The following COL4A1 variants were observed in gnomAD, a reference collection of about 807,000 sequenced individuals.
The protein encoded by COL4A1 is collagen type IV alpha 1 chain.
COL4A1 carries 40 observed loss-of-function variants against 216.6 expected under a neutral mutation model. The observed-to-expected ratio is 0.18, with a 90% CI of 0.14 to 0.24. The LOEUF (loss-of-function observed/expected upper bound fraction) is 0.24, where lower values mean the gene tolerates loss of function less well. Among genes scored for constraint, COL4A1 ranks in the 10% least tolerant of loss-of-function variants. The probability of loss-of-function intolerance (pLI) is 1.00; values close to 1 mark genes in which losing one functional copy is unlikely to be tolerated. For synonymous variants in COL4A1, 839 were observed against 810.7 expected (o/e 1.03, Z -0.59); for missense variants, 1,628 against 2,196.8 (o/e 0.74, Z 5.18).
chr13:110,168,060 T>A (rs906192578), intron 43 of COL4A1, among the ~76,000 whole-genome samples: 3 of 151,952 alleles, frequency 2.0e-5, no homozygotes, highest in Admixed American at 2.0e-4. Flanking sequence ...CGCTCTGTCA[T>A]CCAGGCTGGA....
In COL4A1 at chr13:110,181,313, G is replaced by C. The variant is rs1314200422; in HGVS notation, c.2172C>G (p.Asn724Lys). ...TCACCTTCTGGCCCTGCACACCTGGGTTCCCAGGTAAGCCATTAAATCCCG... is the reference window on the plus strand; with the variant it reads ...TCACCTTCTGGCCCTGCACACCTGGCTTCCCAGGTAAGCCATTAAATCCCG... ...GRPGFNGLPG[N>K]PGVQGQKGEP... The change falls in exon 29 of 52, where the codon AAC becomes AAG. Residue 724 changes from asparagine to lysine, a missense_variant. Physicochemically the swap from Asn to Lys is moderately conservative, Grantham distance 94 (BLOSUM62 0). Around this residue, in one of 8 missense-constraint regions of COL4A1, gnomAD observed 701 missense variants for 892.5 expected, o/e 0.79. Coordinates refer to ENST00000375820, the MANE Select transcript of COL4A1 (RefSeq NM_001845.6). 3 of 1,613,754 alleles carry C rather than the reference G, an allele frequency of 1.9e-6. No homozygotes were observed. In the Admixed American group the frequency reaches 5.0e-5, roughly 27 times the overall value.
In COL4A1 at chr13:110,222,771, T is replaced by TAAAAAAAAAAAAAAA. The variant is rs751501177; in HGVS notation, c.145-8757_145-8756insTTTTTTTTTTTTTTT. Among the ~76,000 whole-genome samples the TAAAAAAAAAAAAAAA allele has an allele frequency of 5.6e-4, 52 of 93,404 alleles. 4 individuals carry two copies. Among genetic ancestry groups the TAAAAAAAAAAAAAAA allele is most frequent in the East Asian group, 1.4e-3 (4 of 2,940 alleles). The allele number at this position is 93,404 out of a possible 152,430, so 61.3% of individuals were successfully genotyped here. On this transcript the variant is annotated intron_variant, in intron 2 of 51. Transcript: ENST00000375820. ...CTGGGCGACAGAGCCAGACTCTGCT[T>TAAAAAAAAAAAAAAA]TAAAAAAAAAAAAAAAAAAAAAAAA...
intron 36 of COL4A1, among the ~76,000 whole-genome samples, chr13:110,175,877 T>C (rs1750157435): frequency 6.6e-6 from 1 of 152,158 alleles, no homozygotes; most frequent in Non-Finnish European, 1.5e-5. Context: ...CAAGAGGAGA[T>C]GGAAAGATGG....
At chr13:110,191,986 C>T (rs551410686) in intron 24 of COL4A1, among the ~76,000 whole-genome samples, 1 of 152,204 alleles carries the variant, frequency 6.6e-6, no homozygotes, top group African/African-American at 2.4e-5. Context: ...AAAATGTTGA[C>T]CAGGTGAGAA....
At chr13:110,228,242 G>A (rs1199354344) in intron 2 of COL4A1, among the ~76,000 whole-genome samples, 2 of 150,482 alleles carry the variant, frequency 1.3e-5, no homozygotes, top group South Asian at 4.3e-4. Flanking sequence ...GGGGGCGGGG[G>A]GGGGGTCTAC....
intron 2 of COL4A1, among the ~76,000 whole-genome samples, chr13:110,229,843 A>G (rs1340663616): frequency 6.6e-6 from 1 of 152,232 alleles, no homozygotes; most frequent in Non-Finnish European, 1.5e-5. Flanking sequence ...AGAGGAAAAG[A>G]AAAAGCCCTA....
intron 1 of COL4A1, among the ~76,000 whole-genome samples, chr13:110,303,344 C>T (rs1040728500): frequency 1.3e-5 from 2 of 152,024 alleles, no homozygotes; most frequent in Non-Finnish European, 2.9e-5. Context: ...ATACTGGGGC[C>T]TCAGTTGGAG....
chr13:110,252,506 T>TATAC (rs1435183887), intron 1 of COL4A1, among the ~76,000 whole-genome samples: 1 of 4,868 alleles, frequency 2.1e-4, no homozygotes, highest in African/African-American at 2.4e-4. Flanking sequence ...TACGTATATA[T>TATAC]GTATTATATA....
At chr13:110,277,945 G>A (rs1018038248) in intron 1 of COL4A1, among the ~76,000 whole-genome samples, 1 of 152,076 alleles carries the variant, frequency 6.6e-6, no homozygotes, top group Non-Finnish European at 1.5e-5. Context: ...TAGCATTATT[G>A]CCTTTGATGA....
chr13:110,192,840 C>T lies in COL4A1; in HGVS notation c.1455G>A (p.Pro485=), dbSNP rs886724914. 1.1e-5 allele frequency: 17 copies of T among 1,613,832 alleles called. No homozygotes were observed. Among genetic ancestry groups the T allele is most frequent in the Admixed American group, 5.0e-5 (3 of 59,994 alleles). Residue 485 remains proline (P), a synonymous_variant, in exon 23 of 52, where the codon CCG becomes CCA. Coordinates refer to ENST00000375820, the MANE Select transcript of COL4A1 (RefSeq NM_001845.6). Reference sequence around the variant, plus strand: ...ACATGTGGGTCTTACCTATTTCTCCCGGGGGTCCCTGTGGCCCGGGAGGCC... The same window carrying T: ...ACATGTGGGTCTTACCTATTTCTCCTGGGGGTCCCTGTGGCCCGGGAGGCC... The part of the protein sequence containing the change: ...YRGPPGPQGP[P]GEIGFPGQPG...
intron 15 of COL4A1, 63 bp from the exon 16 acceptor site, chr13:110,205,601 G>C (rs919973030): frequency 7.6e-6 from 12 of 1,572,902 alleles, no homozygotes; most frequent in Non-Finnish European, 8.7e-6. Flanking sequence ...GGTGGCTCAT[G>C]CCTGTAATCC....
rs1353114772 is a variant in COL4A1 at position 110,198,075 on chromosome 13, TGG to T, written c.1285+390_1285+391del. Among the ~76,000 whole-genome samples the T allele has an allele frequency of 5.3e-3, 510 of 96,888 alleles. 2 individuals are homozygous for T. The highest frequency in any genetic ancestry group is 0.012 in the African/African-American group (313 of 25,122). The allele number at this position is 96,888 out of a possible 152,430, so 63.6% of individuals were successfully genotyped here. A position where few individuals can be genotyped will look rare whatever the true frequency, so the allele number is the denominator to read the frequency against. ...CATGTAATCCTGTCTTCCTTGTTTC[TGG>T]GGTGTGTGTGTGTGTGTGTGTGTGT... is the stretch of plus-strand genomic sequence containing the variant. On this transcript the variant is annotated intron_variant, in intron 21 of 51. Coordinates refer to ENST00000375820, the MANE Select transcript of COL4A1 (RefSeq NM_001845.6).
At chr13:110,198,131 T>C (rs1161195294) in intron 21 of COL4A1, among the ~76,000 whole-genome samples, 2 of 145,322 alleles carry the variant, frequency 1.4e-5, no homozygotes, top group Non-Finnish European at 3.0e-5. Flanking sequence ...TAGTATTCAT[T>C]TGTATCTCTA....
intron 2 of COL4A1, among the ~76,000 whole-genome samples, chr13:110,217,118 T>C (rs1301601315): frequency 6.6e-6 from 1 of 152,202 alleles, no homozygotes; most frequent in Non-Finnish European, 1.5e-5. Flanking sequence ...ACGAATAATC[T>C]AATACTCTGT....
At position 110,268,024 on chromosome 13, in the gene COL4A1, A is replaced by T; in HGVS notation, c.85-25290T>A. Among the ~76,000 whole-genome samples the T allele has an allele frequency of 6.7e-6, 1 of 149,716 alleles. No homozygotes were observed. Among genetic ancestry groups the T allele is most frequent in the East Asian group, 2.0e-4 (1 of 5,116 alleles). On this transcript the variant is annotated intron_variant, in intron 1 of 51. Coordinates refer to ENST00000375820, the MANE Select transcript of COL4A1 (RefSeq NM_001845.6). The surrounding 1 kb of genome is among the most constrained non-coding windows in gnomAD (Gnocchi z 4.1). ...CACAGCTGCCCCCCTCAAAAAAAAA[A>T]TACAGAAAAAAGAAACTCTCTGGAA...
Position 110,186,666 on chromosome 13 carries a change from C to T in COL4A1, c.1729-113G>A. On this transcript the variant is annotated intron_variant, in intron 25 of 51. Coordinates refer to ENST00000375820, the MANE Select transcript of COL4A1 (RefSeq NM_001845.6). ...AAGTACTAGAGTTAACTGGCTCACA[C>T]TATTTATTTACTTCATCTACCCTCC... 8 of 1,345,400 alleles carry T rather than the reference C, an allele frequency of 5.9e-6. No individual in the cohort carries two copies. In the South Asian group the frequency reaches 8.1e-5, roughly 14 times the overall value. The allele number at this position is 1,345,400 out of a possible 1,614,324, so 83.3% of individuals were successfully genotyped here. A position where few individuals can be genotyped will look rare whatever the true frequency, so the allele number is the denominator to read the frequency against.
intron 1 of COL4A1, among the ~76,000 whole-genome samples, chr13:110,295,071 A>G (rs1303612966): frequency 6.6e-6 from 1 of 152,228 alleles, no homozygotes; most frequent in Non-Finnish European, 1.5e-5. Context: ...TCCTAGAAAT[A>G]ATCATTTTAA....
In COL4A1 at chr13:110,306,932, C is replaced by T; in HGVS notation, c.84+12G>A. On this transcript the variant is annotated intron_variant, in intron 1 of 51. Coordinates refer to ENST00000375820, the MANE Select transcript of COL4A1 (RefSeq NM_001845.6). The stretch of plus-strand genomic sequence containing the variant: ...GGCGGGACGCCGGGAGCGGAGCTGG[C>T]CGGGAACTCACCTTCGCAGCGGCCC... The T allele has an allele frequency of 6.8e-7, 1 of 1,467,778 alleles. No homozygotes were observed. The highest frequency in any genetic ancestry group is 9.0e-7 in the Non-Finnish European group (1 of 1,113,914). The allele number at this position is 1,467,778 out of a possible 1,614,324, so 90.9% of individuals were successfully genotyped here. A position where few individuals can be genotyped will look rare whatever the true frequency, so the allele number is the denominator to read the frequency against.
At chr13:110,152,211 T>A in intron 51 of COL4A1, 123 bp downstream of exon 51, 3 of 1,468,218 alleles carry the variant, frequency 2.0e-6, no homozygotes. Flanking sequence ...TCGAACAGCA[T>A]CAAATATTCA....
Sources: gnomAD v4.1 joint callset for allele counts (sites outside exome capture counted in the v4.1 genomes callset) on GRCh38, gnomAD v4.1.1 for gene constraint, gnomAD v4.1.1 regional missense constraint, Gnocchi (gnomAD v3.1) non-coding constraint, MANE v1.5 for transcripts, NCBI Gene and HGNC (gene_info 2026-07-23, HGNC 2026-07-21) for gene names.